ZNF763: variants seen among roughly 807,000 people sequenced by gnomAD.
ZNF763 encodes zinc finger protein 763, also known as DNA-binding protein.
A neutral mutation model predicts 38.0 loss-of-function variants in ZNF763; 33 were observed. The ratio of observed to expected loss-of-function variants is 0.87; its 90% CI spans 0.66 to 1.16. The LOEUF (loss-of-function observed/expected upper bound fraction) is 1.16, where lower values mean the gene tolerates loss of function less well. Among genes scored for constraint, ZNF763 ranks in the 50% most tolerant of loss-of-function variants. ZNF763 has a pLI of 0.00. For synonymous variants in ZNF763, 155 were observed against 160.1 expected, an observed-to-expected ratio of 0.97 and a Z score of 0.24; for missense variants, 423 against 469.1, an observed-to-expected ratio of 0.90 and a Z score of 0.91.
At chr19:11,973,278 A>G (rs1973387818) in intron 1 of ZNF763, among the ~76,000 whole-genome samples, 1 of 152,188 alleles carries the variant, frequency 6.6e-6, no homozygotes, top group Non-Finnish European at 1.5e-5. Flanking sequence ...AGAATATCAC[A>G]TATTTGGAAT....
At chr19:11,966,219 G>A (rs1009160643) in intron 1 of ZNF763, among the ~76,000 whole-genome samples, 6 of 152,112 alleles carry the variant, frequency 3.9e-5, no homozygotes, top group South Asian at 2.1e-4. Flanking sequence ...ATGAATGTGC[G>A]TCAGTTGCTG....
rs1360986395 is a variant in ZNF763, at chr19:11,978,309, A to G, written c.385A>G (p.Ile129Val). Residue 129 changes from isoleucine to valine, a missense_variant, in exon 4 of 4, where the codon ATT (isoleucine) becomes GTT (valine). Coordinates refer to ENST00000358987, the MANE Select transcript of ZNF763 (RefSeq NM_001367172.2). ...SSFNMNIRGDIGHKAYEYQDY... is the reference protein window; with the variant it reads ...SSFNMNIRGDVGHKAYEYQDY... ...TTTTAATATGAACATCAGAGGTGAC[A>G]TTGGGCACAAGGCATACGAGTATCA... 6.2e-7 allele frequency: 1 copy of G among 1,614,056 alleles called. No individual in the cohort carries two copies. Among genetic ancestry groups the G allele is most frequent in the Non-Finnish European group, 8.5e-7 (1 of 1,180,038 alleles).
chr19:11,966,368 CTTTG>C (rs961015106), intron 1 of ZNF763, among the ~76,000 whole-genome samples: 9 of 151,998 alleles, frequency 5.9e-5, no homozygotes, highest in African/African-American at 1.7e-4. Flanking sequence ...TGGGAAGGTA[CTTTG>C]TTTGTTTTTG....
chr19:11,974,069 T>TTTTCTTTCTTTCTTTCTTTTCTTTC (rs1973407970), intron 1 of ZNF763, among the ~76,000 whole-genome samples: 1 of 114,776 alleles, frequency 8.7e-6, no homozygotes, highest in Admixed American at 9.6e-5. Context: ...TCCTTCTTTC[T>TTTTCTTTCTTTCTTTCTTTTCTTTC]TTTCTTTCTT....
At chr19:11,967,481 T>C (rs1973258515) in intron 1 of ZNF763, among the ~76,000 whole-genome samples, 1 of 152,000 alleles carries the variant, frequency 6.6e-6, no homozygotes, top group African/African-American at 2.4e-5. Context: ...CTCGGCTCAC[T>C]GCAAGCTCCA....
chr19:11,980,295 C>A lies in ZNF763; in HGVS notation c.*1186C>A. 3.8e-6 allele frequency: 1 copy of A among 265,918 alleles called. No individual in the cohort carries two copies. The highest frequency in any genetic ancestry group is 7.2e-6 in the Non-Finnish European group (1 of 139,738). The allele number at this position is 265,918 out of a possible 1,614,324, so 16.5% of individuals were successfully genotyped here. A position where few individuals can be genotyped will look rare whatever the true frequency, so the allele number is the denominator to read the frequency against. On this transcript the variant is annotated 3_prime_UTR_variant, in exon 4 of 4. Coordinates refer to ENST00000358987, the MANE Select transcript of ZNF763 (RefSeq NM_001367172.2). ...AGTTGGGAGGCTGGCACAGGAGAAT[C>A]GCTTGAATCTGGGGGGCAGAGGTTG...
In ZNF763 at chr19:11,978,895, A is replaced by G; in HGVS notation, c.971A>G (p.Tyr324Cys). 1 of 1,614,082 alleles carries G rather than the reference A, an allele frequency of 6.2e-7. No individual in the cohort carries two copies. The highest frequency in any genetic ancestry group is 8.5e-7 in the Non-Finnish European group (1 of 1,180,000). ...CSKCNKAFRS[Y>C]RSYLRHKRSH... ...AAATGTAATAAAGCATTCCGTAGTTACAGATCCTATCTTAGACATAAAAGG... is the reference window on the plus strand; with the variant it reads ...AAATGTAATAAAGCATTCCGTAGTTGCAGATCCTATCTTAGACATAAAAGG... Residue 324 changes from tyrosine to cysteine, a missense_variant, in exon 4 of 4, where the codon TAC becomes TGC. Tyr to Cys is a radical substitution (Grantham distance 194, BLOSUM62 -2). Coordinates refer to ENST00000358987, the MANE Select transcript of ZNF763 (RefSeq NM_001367172.2).
intron 1 of ZNF763, among the ~76,000 whole-genome samples, chr19:11,972,203 T>A (rs1973367114): frequency 6.6e-6 from 1 of 152,076 alleles, no homozygotes; most frequent in South Asian, 2.1e-4. Flanking sequence ...AAGGATCTGT[T>A]GAGCCTAGGA....
intron 1 of ZNF763, among the ~76,000 whole-genome samples, chr19:11,975,600 T>C (rs1001534800): frequency 2.5e-4 from 38 of 151,200 alleles, no homozygotes; most frequent in Non-Finnish European, 4.9e-4. Context: ...GGTTTCACTG[T>C]GTCGATCTCC....
intron 3 of ZNF763, among the ~76,000 whole-genome samples, 158 bp downstream of exon 3, chr19:11,977,589 G>A (rs1386119426): frequency 2.6e-5 from 4 of 152,150 alleles, no homozygotes; most frequent in Non-Finnish European, 1.5e-5. Flanking sequence ...CTAAGTCTGA[G>A]GGCTCACTCC....
chr19:11,972,247 C>T (rs1973368107), intron 1 of ZNF763, among the ~76,000 whole-genome samples: 1 of 151,290 alleles, frequency 6.6e-6, no homozygotes, highest in African/African-American at 2.4e-5. Flanking sequence ...ATTGCACCAC[C>T]ACACTCCAGC....
At position 11,978,605 on chromosome 19, in the gene ZNF763, G is replaced by A. The variant is rs542783916; in HGVS notation, c.681G>A (p.Pro227=). The change falls in exon 4 of 4, where the codon CCG becomes CCA. Residue 227 remains proline, a synonymous_variant. Coordinates refer to ENST00000358987, the MANE Select transcript of ZNF763 (RefSeq NM_001367172.2). ...IHERTHTGEK[P]YECKQCVKSF... is the part of the protein sequence containing the mutation. ...AAAGAACTCACACTGGAGAGAAACC[G>A]TATGAATGTAAACAATGTGTTAAAT... 6.4e-5 allele frequency: 104 copies of A among 1,613,194 alleles called. No homozygotes were observed. Among genetic ancestry groups the A allele is most frequent in the South Asian group, 3.7e-4 (34 of 90,884 alleles).
rs1362311107 is a variant in ZNF763, at chr19:11,979,493, C to A, written c.*384C>A. 5 of 1,597,204 alleles carry A rather than the reference C, an allele frequency of 3.1e-6. No individual in the cohort carries two copies. In the South Asian group the frequency reaches 4.4e-5, roughly 14 times the overall value. ...GACATGTGGGAAAGGCTTTTATTCTCCCACGTCATTTCAAAGACATGAAAA... is the reference window on the plus strand; with the variant it reads ...GACATGTGGGAAAGGCTTTTATTCTACCACGTCATTTCAAAGACATGAAAA... On this transcript the variant is annotated 3_prime_UTR_variant, in exon 4 of 4. Coordinates refer to ENST00000358987, the MANE Select transcript of ZNF763 (RefSeq NM_001367172.2).
At position 11,979,244 on chromosome 19, in the gene ZNF763, A is replaced by G; in HGVS notation, c.*135A>G. The stretch of plus-strand genomic sequence containing the variant: ...AATCTTTCCAGTTCCTTTCAGTATC[A>G]TGAAAGGACTCACACTGGAGAGAAA... On this transcript the variant is annotated 3_prime_UTR_variant, in exon 4 of 4. Transcript: ENST00000358987. The G allele has an allele frequency of 6.2e-7, 1 of 1,612,890 alleles. No individual in the cohort carries two copies.
intron 1 of ZNF763, among the ~76,000 whole-genome samples, chr19:11,974,979 A>C (rs1225902453): frequency 1.3e-5 from 2 of 152,212 alleles, no homozygotes; most frequent in South Asian, 4.1e-4. Context: ...TTACATGTAC[A>C]GTTGAGATAG....
intron 1 of ZNF763, among the ~76,000 whole-genome samples, chr19:11,971,253 G>A (rs1224132763): frequency 6.6e-6 from 1 of 152,148 alleles, no homozygotes; most frequent in East Asian, 1.9e-4. Context: ...TCATCTTGTG[G>A]TTTCTTCACA....
In ZNF763 at chr19:11,978,241, G is replaced by T; in HGVS notation, c.317G>T (p.Cys106Phe). 1.2e-6 allele frequency: 2 copies of T among 1,614,050 alleles called. No homozygotes were observed. The highest frequency in any genetic ancestry group is 1.7e-6 in the Non-Finnish European group (2 of 1,179,970). The change falls in exon 4 of 4, where the codon TGT (cysteine) becomes TTT (phenylalanine). Residue 106 changes from cysteine (C) to phenylalanine (F), a missense_variant. Physicochemically the swap from Cys to Phe is radical, Grantham distance 205. Coordinates refer to ENST00000358987, the MANE Select transcript of ZNF763 (RefSeq NM_001367172.2). ...EKKASPEAKS[C>F]DNFVCGEVGI... ...AAAGCTTCTCCTGAAGCAAAATCATGTGATAACTTTGTATGTGGAGAAGTT... is the reference window on the plus strand; with the variant it reads ...AAAGCTTCTCCTGAAGCAAAATCATTTGATAACTTTGTATGTGGAGAAGTT...
In ZNF763 at chr19:11,965,145, C is replaced by T. The variant is rs1051967623; in HGVS notation, c.-64C>T. On this transcript the variant is annotated 5_prime_UTR_variant, in exon 1 of 4. Coordinates refer to ENST00000358987, the MANE Select transcript of ZNF763 (RefSeq NM_001367172.2). The stretch of plus-strand genomic sequence containing the variant: ...CAGGTTTCTATCGCTCTGTCTCCTG[C>T]GCTGTGCCCTTCTGTAGTCACAGGA... 1 of 1,609,942 alleles carries T rather than the reference C, an allele frequency of 6.2e-7. No individual in the cohort carries two copies. Among genetic ancestry groups the T allele is most frequent in the Non-Finnish European group, 8.5e-7 (1 of 1,176,448 alleles).
chr19:11,965,297 C>T, intron 1 of ZNF763, 86 bp downstream of exon 1: 1 of 1,583,746 alleles, frequency 6.3e-7, no homozygotes, highest in Non-Finnish European at 8.6e-7. Flanking sequence ...CCCGGGCCTC[C>T]CTGCGGGCGA....
Sources: allele counts gnomAD v4.1 joint callset (sites outside exome capture counted in the v4.1 genomes callset), GRCh38; gene constraint gnomAD v4.1.1; transcripts MANE v1.5; gene names NCBI Gene and HGNC (gene_info 2026-07-23, HGNC 2026-07-21).